Variants in AHDC1 observed in about 807,000 individuals in gnomAD.
The protein encoded by AHDC1 is AT-hook DNA binding motif containing 1, also known as transcription factor Gibbin.
AHDC1 carries 7 observed loss-of-function variants against 87.9 expected under a neutral mutation model. The ratio of observed to expected loss-of-function variants is 0.08; its 90% confidence interval spans 0.05 to 0.15. The LOEUF (loss-of-function observed/expected upper bound fraction) is 0.15. Ranked by LOEUF, AHDC1 falls within the 10% of genes least tolerant of loss-of-function variation. The probability of loss-of-function intolerance (pLI) is 1.00; values close to 1 mark genes in which losing one functional copy is unlikely to be tolerated. For missense variants in AHDC1, 1,841 were observed against 2,253.2 expected (o/e 0.82, Z 3.70); for synonymous variants, 1,051 against 1,006.8 (o/e 1.04, Z -0.83).
Position 27,548,921 on chromosome 1 carries a change from G to C in AHDC1, c.3195C>G (p.Pro1065=). Residue 1065 remains proline (P), a synonymous_variant, in exon 8 of 9, where the codon CCC becomes CCG. Transcript: ENST00000673934. Reference sequence around the variant, plus strand: ...TGCCCTTGGGTACCATGTAGCCACCGGGCGAGACTGTGCTGGCCCGGCTGT... The same window carrying C: ...TGCCCTTGGGTACCATGTAGCCACCCGGCGAGACTGTGCTGGCCCGGCTGT... ...RCDSRASTVS[P]GGYMVPKGTT... 1 of 1,599,686 alleles carries C rather than the reference G, an allele frequency of 6.3e-7. No individual in the cohort carries two copies. Among genetic ancestry groups the C allele is most frequent in the Non-Finnish European group, 8.5e-7 (1 of 1,173,076 alleles).
In AHDC1 at chr1:27,547,082, C is replaced by T. The variant is rs763132774; in HGVS notation, c.*43+179G>A. On this transcript the variant is annotated intron_variant, in intron 8 of 8. Transcript: ENST00000673934. This position sits in a 1 kb window ranked among gnomAD's most constrained non-coding sequence, Gnocchi z 4.9. ...GTTCCCAGCCCAAGCACCCCATCTC[C>T]TCCTGAGACTGTCCGCAACAGCGAA... Among the ~76,000 whole-genome samples the T allele has an allele frequency of 7.2e-5, 11 of 152,010 alleles. No homozygotes were observed. Among genetic ancestry groups the T allele is most frequent in the African/African-American group, 2.2e-4 (9 of 41,374 alleles).
intron 8 of AHDC1, among the ~76,000 whole-genome samples, chr1:27,538,165 G>A (rs2018731187): frequency 1.3e-5 from 2 of 152,020 alleles, no homozygotes; most frequent in South Asian, 4.1e-4. Context: ...ACTTTGGGAG[G>A]CCGAGGTGGG....
intron 3 of AHDC1, among the ~76,000 whole-genome samples, chr1:27,573,986 G>A (rs1192068710): frequency 6.6e-6 from 1 of 152,252 alleles, no homozygotes; most frequent in Admixed American, 6.5e-5. Context: ...GAAACAGGGA[G>A]AACTGGGGAT....
chr1:27,592,432 A>G (rs1295907119), intron 3 of AHDC1, among the ~76,000 whole-genome samples: 2 of 152,130 alleles, frequency 1.3e-5, no homozygotes, highest in Non-Finnish European at 2.9e-5. Flanking sequence ...GGTGGGGGAC[A>G]GGAGATGGGG....
At position 27,549,845 on chromosome 1, in the gene AHDC1, A is replaced by G. The variant is rs2019426767; in HGVS notation, c.2271T>C (p.Ser757=). 6.2e-7 allele frequency: 1 copy of G among 1,613,140 alleles called. No homozygotes were observed. The highest frequency in any genetic ancestry group is 1.3e-5 in the African/African-American group (1 of 74,900). The change falls in exon 8 of 9, where the codon AGT becomes AGC. Residue 757 remains serine (S), a synonymous_variant. Coordinates refer to ENST00000673934, the MANE Select transcript of AHDC1 (RefSeq NM_001371928.1). ...NGTLFPEQVP[S]GPGFGEAGAE... is the part of the protein sequence containing the mutation. Reference sequence around the variant, plus strand: ...CACCTGCCTCCCCAAAGCCTGGGCCACTGGGCACCTGCTCTGGGAACAGAG... The same window carrying G: ...CACCTGCCTCCCCAAAGCCTGGGCCGCTGGGCACCTGCTCTGGGAACAGAG...
chr1:27,576,776 C>G (rs2088763913), intron 3 of AHDC1, among the ~76,000 whole-genome samples: 1 of 152,224 alleles, frequency 6.6e-6, no homozygotes, highest in African/African-American at 2.4e-5. Flanking sequence ...CCATTCCCAC[C>G]TCCATCTACC....
chr1:27,547,913 G>A lies in AHDC1; in HGVS notation c.4203C>T (p.Thr1401=), dbSNP rs145735811. 2.3e-5 allele frequency: 36 copies of A among 1,570,816 alleles called. 1 individual carries two copies. In the African/African-American group the frequency reaches 3.5e-4, roughly 15 times the overall value. Residue 1401 remains threonine (T), a synonymous_variant, in exon 8 of 9, where the codon ACC becomes ACT. Coordinates refer to ENST00000673934, the MANE Select transcript of AHDC1 (RefSeq NM_001371928.1). This position sits in a 1 kb window ranked among gnomAD's most constrained non-coding sequence, Gnocchi z 4.9. The stretch of plus-strand genomic sequence containing the variant: ...CCTTGAAGCCCAGTGTAGGCGAGCA[G>A]GTGGGCGAGTATGCCTTCTGCAGGC... ...DAGLQKAYSP[T]CSPTLGFKEE...
chr1:27,591,135 G>T (rs1297508417), intron 3 of AHDC1, among the ~76,000 whole-genome samples: 1 of 152,214 alleles, frequency 6.6e-6, no homozygotes, highest in Non-Finnish European at 1.5e-5. Flanking sequence ...GGGTTCCAAA[G>T]GGAGCGGCAC....
Position 27,547,508 on chromosome 1 carries a change from A to G in AHDC1, c.4608T>C (p.Ala1536=), listed in dbSNP as rs749708577. The part of the protein sequence containing the change: ...GPPRGPAAAA[A]GYGCPLLSDL... ...CACTAAGGAGTGGGCAGCCATAGCCAGCAGCGGCTGCAGCAGGGCCACGGG... is the reference window on the plus strand; with the variant it reads ...CACTAAGGAGTGGGCAGCCATAGCCGGCAGCGGCTGCAGCAGGGCCACGGG... Residue 1536 remains alanine, a synonymous_variant, in exon 8 of 9, where the codon GCT becomes GCC. Transcript: ENST00000673934. The surrounding 1 kb of genome is among the most constrained non-coding windows in gnomAD (Gnocchi z 4.9). 9 of 1,608,812 alleles carry G rather than the reference A, an allele frequency of 5.6e-6. No individual in the cohort carries two copies. The South Asian group carries it at 8.8e-5, about 16-fold the overall frequency.
In AHDC1 at chr1:27,547,200, C is replaced by G; in HGVS notation, c.*43+61G>C. On this transcript the variant is annotated intron_variant, in intron 8 of 8. Coordinates refer to ENST00000673934, the MANE Select transcript of AHDC1 (RefSeq NM_001371928.1). This position sits in a 1 kb window ranked among gnomAD's most constrained non-coding sequence, Gnocchi z 4.9. ...CTCCATACCTCTGTCCTTGCCTAAG[C>G]TCTGATGTCCTCTTCCCACCCCCAG... The G allele has an allele frequency of 3.3e-6, 4 of 1,214,606 alleles. No individual in the cohort carries two copies. Among genetic ancestry groups the G allele is most frequent in the Non-Finnish European group, 4.6e-6 (4 of 875,510 alleles). 75.2% of individuals were successfully genotyped at this position (1,214,606 alleles called of 1,614,324 possible).
chr1:27,580,494 C>T (rs2088875642), intron 3 of AHDC1, among the ~76,000 whole-genome samples: 1 of 152,230 alleles, frequency 6.6e-6, no homozygotes. Context: ...TGTCCCCTTC[C>T]CTGCCATTTC....
rs1298858584 is a variant in AHDC1, at chr1:27,602,861, G to A, written c.-629+536C>T. Among the ~76,000 whole-genome samples the A allele has an allele frequency of 2.6e-5, 4 of 151,088 alleles. No individual in the cohort carries two copies. In the East Asian group the frequency reaches 7.9e-4, roughly 30 times the overall value. ...AGGTCCCCGCCCCTCAACTCCCCGA[G>A]AGCCAGTGGATCCTAGGGATTTGGG... On this transcript the variant is annotated intron_variant, in intron 3 of 8. Coordinates refer to ENST00000673934, the MANE Select transcript of AHDC1 (RefSeq NM_001371928.1).
At chr1:27,574,249 G>A (rs2088634117) in intron 3 of AHDC1, among the ~76,000 whole-genome samples, 1 of 152,244 alleles carries the variant, frequency 6.6e-6, no homozygotes, top group South Asian at 2.1e-4. Context: ...ACTGTGAGGA[G>A]ACTAGTGTGA....
intron 3 of AHDC1, among the ~76,000 whole-genome samples, chr1:27,570,754 T>C (rs2020529577): frequency 1.3e-5 from 2 of 152,178 alleles, no homozygotes; most frequent in African/African-American, 2.4e-5. Context: ...ATAGGGAGAT[T>C]GAGGCCTAGA....
chr1:27,601,906 C>G (rs774353806), intron 3 of AHDC1, among the ~76,000 whole-genome samples: 75 of 152,198 alleles, frequency 4.9e-4, no homozygotes, highest in Non-Finnish European at 9.9e-4. Flanking sequence ...CACCCTGACC[C>G]GGAGGCAAAG....
chr1:27,581,727 C>T (rs183532533), intron 3 of AHDC1, among the ~76,000 whole-genome samples: 4 of 152,310 alleles, frequency 2.6e-5, no homozygotes, highest in Admixed American at 6.5e-5. Context: ...CATGACTCTG[C>T]GTGTCTGCCC....
Position 27,551,468 on chromosome 1 carries a change from G to C in AHDC1, c.648C>G (p.Pro216=), listed in dbSNP as rs769520578. 6.2e-7 allele frequency: 1 copy of C among 1,610,340 alleles called. No individual in the cohort carries two copies. Among genetic ancestry groups the C allele is most frequent in the African/African-American group, 1.3e-5 (1 of 75,030 alleles). The change falls in exon 8 of 9, where the codon CCC becomes CCG. Residue 216 remains proline (P), a synonymous_variant. Transcript: ENST00000673934. ...DSPQPGQGHS[P]GATAAATGLP... ...GACCCGTGGCCGCAGCCGTGGCTCC[G>C]GGACTATGGCCTTGGCCAGGCTGGG...
chr1:27,568,408 G>A (rs926873200), intron 3 of AHDC1: 1 of 152,272 alleles, frequency 6.6e-6, no homozygotes, highest in Non-Finnish European at 1.5e-5. Flanking sequence ...GGTCTTGTGA[G>A]GAGCTTCACG....
At chr1:27,552,756 C>T (rs757262665) in intron 7 of AHDC1, 136 bp downstream of exon 7, 1 of 152,704 alleles carries the variant, frequency 6.5e-6, no homozygotes, top group Non-Finnish European at 1.5e-5. Flanking sequence ...TCAGGAAGAA[C>T]AGGACCCCTG....
Sources: gnomAD v4.1 joint callset for allele counts (sites outside exome capture counted in the v4.1 genomes callset) on GRCh38, gnomAD v4.1.1 for gene constraint, Gnocchi (gnomAD v3.1) non-coding constraint, MANE v1.5 for transcripts, NCBI Gene and HGNC (gene_info 2026-07-23, HGNC 2026-07-21) for gene names.